Variants in PAH observed in about 807,000 individuals in gnomAD.
PAH encodes phenylalanine hydroxylase.
PAH carries 64 observed loss-of-function variants against 62.0 expected under a neutral mutation model. The ratio of observed to expected loss-of-function variants is 1.03; its 90% CI spans 0.84 to 1.27. PAH has a LOEUF of 1.27. Ranked by LOEUF, PAH falls within the 50% of genes most tolerant of loss-of-function variation. The pLI is 0.00. For synonymous variants in PAH, 195 were observed against 196.2 expected, an observed-to-expected ratio of 0.99 and a Z score of 0.05; for missense variants, 579 against 542.8, an observed-to-expected ratio of 1.07 and a Z score of -0.66.
At chr12:102,878,860 CT>C (rs1876689555) in intron 3 of PAH, among the ~76,000 whole-genome samples, 1 of 152,096 alleles carries the variant, frequency 6.6e-6, no homozygotes, top group Non-Finnish European at 1.5e-5. Flanking sequence ...GATAACCCCT[CT>C]TGCGCGGGTA....
chr12:102,927,658 A>C (rs1878723911), intron 1 of PAH, among the ~76,000 whole-genome samples: 1 of 151,640 alleles, frequency 6.6e-6, no homozygotes, highest in Non-Finnish European at 1.5e-5. Context: ...CTGCAGCCAC[A>C]AAAAAAAATT....
chr12:102,939,648 C>T (rs563076015), intron 1 of PAH, among the ~76,000 whole-genome samples: 26 of 152,306 alleles, frequency 1.7e-4, no homozygotes, highest in African/African-American at 6.0e-4. Context: ...GAGACCCTGA[C>T]TCCCTGCTCT....
At chr12:102,924,280 A>G (rs933642555) in intron 1 of PAH, among the ~76,000 whole-genome samples, 2 of 152,218 alleles carry the variant, frequency 1.3e-5, no homozygotes, top group East Asian at 1.9e-4. Context: ...CATGTCCTGT[A>G]TAGAAAGTCT....
chr12:102,927,299 T>C (rs979735635), intron 1 of PAH, among the ~76,000 whole-genome samples: 14 of 142,584 alleles, frequency 9.8e-5, no homozygotes, highest in African/African-American at 3.0e-4. Flanking sequence ...TTTTTTTTTT[T>C]CTGACTCATT....
At chr12:102,930,446 A>G (rs1005522893) in intron 1 of PAH, among the ~76,000 whole-genome samples, 4 of 152,158 alleles carry the variant, frequency 2.6e-5, no homozygotes, top group Admixed American at 2.6e-4. Flanking sequence ...CCACATTAAC[A>G]TCCTCTCCAT....
upstream of PAH, among the ~76,000 whole-genome samples, chr12:102,918,955 TA>T (rs67744152): frequency 0.36 from 55,153 of 152,048 alleles, 10,703 homozygotes; most frequent in African/African-American, 0.48. Flanking sequence ...CCAAAAATAT[TA>T]CAGGCATGCA....
In PAH at chr12:102,844,324, T is replaced by C. The variant is rs1397766956; in HGVS notation, c.1065+12A>G. ...CTTTTAAATCTATCCTTGGTTCCTG[T>C]GAAGGTCATACCTGTAATTCACCAA... On this transcript the variant is annotated intron_variant, in intron 10 of 12. Coordinates refer to ENST00000553106, the MANE Select transcript of PAH (RefSeq NM_000277.3). 1 of 1,565,878 alleles carries C rather than the reference T, an allele frequency of 6.4e-7. No individual in the cohort carries two copies. Among genetic ancestry groups the C allele is most frequent in the Non-Finnish European group, 8.8e-7 (1 of 1,136,126 alleles).
At chr12:102,889,534 G>GACAGATA (rs1877189150) in intron 3 of PAH, among the ~76,000 whole-genome samples, 2 of 150,434 alleles carry the variant, frequency 1.3e-5, no homozygotes, top group Non-Finnish European at 3.0e-5. Context: ...ATAGATAGAC[G>GACAGATA]GATAGATAGA....
At chr12:102,841,945 T>C (rs907282811) in intron 11 of PAH, among the ~76,000 whole-genome samples, 9 of 152,224 alleles carry the variant, frequency 5.9e-5, no homozygotes, top group African/African-American at 1.7e-4. Flanking sequence ...TGGTTTCTCT[T>C]GGCTGAGATG....
chr12:102,925,057 A>G (rs1274285763), intron 1 of PAH, among the ~76,000 whole-genome samples: 1 of 152,092 alleles, frequency 6.6e-6, no homozygotes, highest in Non-Finnish European at 1.5e-5. Context: ...GGAAATGGAA[A>G]CTCAATATTA....
At chr12:102,880,727 G>A (rs1159139441) in intron 3 of PAH, among the ~76,000 whole-genome samples, 1 of 152,078 alleles carries the variant, frequency 6.6e-6, no homozygotes. Flanking sequence ...TCCTAGTGGT[G>A]CTTACATTCT....
At chr12:102,881,046 C>A (rs532932866) in intron 3 of PAH, among the ~76,000 whole-genome samples, 1 of 150,686 alleles carries the variant, frequency 6.6e-6, no homozygotes, top group African/African-American at 2.4e-5. Flanking sequence ...CAGAGTCTTG[C>A]TCTATCACCC....
chr12:102,889,534 G>GGATA (rs201300617), intron 3 of PAH, among the ~76,000 whole-genome samples: 2,826 of 150,538 alleles, frequency 0.019, 41 homozygotes, highest in African/African-American at 0.034. Flanking sequence ...ATAGATAGAC[G>GGATA]GATAGATAGA....
intron 12 of PAH, among the ~76,000 whole-genome samples, chr12:102,840,164 A>C (rs913015745): frequency 6.6e-6 from 1 of 152,132 alleles, no homozygotes; most frequent in African/African-American, 2.4e-5. Flanking sequence ...GAAAGGTGGA[A>C]TGATGGTAGG....
At chr12:102,939,086 T>A (rs1427504661) in intron 1 of PAH, among the ~76,000 whole-genome samples, 1 of 152,086 alleles carries the variant, frequency 6.6e-6, no homozygotes, top group Non-Finnish European at 1.5e-5. Flanking sequence ...CCAGTCTCTC[T>A]TCCCTGTGAG....
At chr12:102,857,298 A>G (rs1295194418) in intron 5 of PAH, among the ~76,000 whole-genome samples, 1 of 152,218 alleles carries the variant, frequency 6.6e-6, no homozygotes, top group Non-Finnish European at 1.5e-5. Context: ...AAATGAACAA[A>G]GCCTCCAAGA....
intron 1 of PAH, among the ~76,000 whole-genome samples, chr12:102,936,647 G>A (rs756405829): frequency 1.2e-4 from 18 of 151,820 alleles, no homozygotes; most frequent in East Asian, 5.8e-4. Flanking sequence ...CTTCTTTGTC[G>A]CTTTAAATAG....
In PAH at chr12:102,957,701, C is replaced by G. The variant is rs1422417623; in HGVS notation, c.-96+494G>C. 1 of 152,520 alleles carries G rather than the reference C, an allele frequency of 6.6e-6. No individual in the cohort carries two copies. The highest frequency in any genetic ancestry group is 1.5e-5 in the Non-Finnish European group (1 of 68,234). 9.4% of individuals were successfully genotyped at this position (152,520 alleles called of 1,614,324 possible). ...CACTCTCTCACTTCTGGCCAGGGAA[C>G]GTGGAAGGCGCACCGACAGGGATCC... On this transcript the variant is annotated intron_variant, in intron 1 of 4. Transcript: ENST00000551337. This position sits in a 1 kb window ranked among gnomAD's most constrained non-coding sequence, Gnocchi z 4.1.
At chr12:102,862,630 C>A (rs760225264) in intron 5 of PAH, among the ~76,000 whole-genome samples, 24 of 152,152 alleles carry the variant, frequency 1.6e-4, no homozygotes, top group Non-Finnish European at 2.4e-4. Context: ...ACAGCACAAA[C>A]AGATGTAAAC....
Sources: gnomAD v4.1 joint callset for allele counts (sites outside exome capture counted in the v4.1 genomes callset) on GRCh38, gnomAD v4.1.1 for gene constraint, Gnocchi (gnomAD v3.1) non-coding constraint, MANE v1.5 for transcripts, NCBI Gene and HGNC (gene_info 2026-07-23, HGNC 2026-07-21) for gene names.